Variants in MTPAP observed in about 807,000 individuals in gnomAD.
MTPAP encodes the protein mitochondrial poly(A) polymerase, also known as poly(A) RNA polymerase, mitochondrial.
MTPAP carries 23 observed loss-of-function variants against 48.7 expected under a neutral mutation model. The observed-to-expected ratio is 0.47, with a 90% CI of 0.34 to 0.67. The LOEUF (loss-of-function observed/expected upper bound fraction) is 0.67. Among genes scored for constraint, MTPAP ranks in the 30% least tolerant of loss-of-function variants. The pLI is 0.01. For synonymous variants in MTPAP, 257 were observed against 254.1 expected (o/e 1.01, Z -0.11); for missense variants, 614 against 694.3 (o/e 0.88, Z 1.30).
intron 3 of MTPAP, among the ~76,000 whole-genome samples, chr10:30,339,576 G>A (rs1473042463): frequency 1.3e-5 from 2 of 151,742 alleles, no homozygotes; most frequent in Non-Finnish European, 2.9e-5. Flanking sequence ...ATGCTGGAAA[G>A]AGAAAGAAAA....
At chr10:30,337,231 C>A (rs1834740538) in intron 3 of MTPAP, among the ~76,000 whole-genome samples, 1 of 152,052 alleles carries the variant, frequency 6.6e-6, no homozygotes, top group Non-Finnish European at 1.5e-5. Context: ...TCGCGACCAG[C>A]CTGACCAACA....
At chr10:30,341,039 C>T (rs530697680) in intron 2 of MTPAP, among the ~76,000 whole-genome samples, 11 of 152,248 alleles carry the variant, frequency 7.2e-5, no homozygotes. Flanking sequence ...TGGCCTTCAT[C>T]CGCAAGTTAA....
At chr10:30,323,346 G>A (rs546897811) in intron 5 of MTPAP, among the ~76,000 whole-genome samples, 281 of 150,796 alleles carry the variant, frequency 1.9e-3, no homozygotes, top group African/African-American at 6.5e-3. Flanking sequence ...TAGCTACTTG[G>A]GGGGCTGAGG....
At position 30,341,473 on chromosome 10, in the gene MTPAP, T is replaced by C; in HGVS notation, c.325A>G (p.Ser109Gly). 6.2e-7 allele frequency: 1 copy of C among 1,613,102 alleles called. No individual in the cohort carries two copies. The highest frequency in any genetic ancestry group is 8.5e-7 in the Non-Finnish European group (1 of 1,179,562). ...GPINNHFFYE[S>G]FGLYAVVEFC... is the part of the protein sequence containing the mutation. ...ATTGTTTTTCAAATACTTACAAAGCTTTCATAGAAGAAATGATTATTAATA... is the reference window on the plus strand; with the variant it reads ...ATTGTTTTTCAAATACTTACAAAGCCTTCATAGAAGAAATGATTATTAATA... The change falls in exon 2 of 9, where the codon AGC becomes GGC. Residue 109 changes from serine (S) to glycine (G), a missense_variant. By Grantham distance (56) the Ser-to-Gly change is moderately conservative. Around this residue, in one of 5 missense-constraint regions of MTPAP, gnomAD observed 114 missense variants for 107.9 expected, o/e 1.06. Coordinates refer to ENST00000263063, the MANE Select transcript of MTPAP (RefSeq NM_018109.4).
chr10:30,321,580 A>G (rs2132849349), intron 6 of MTPAP, among the ~76,000 whole-genome samples: 1 of 152,216 alleles, frequency 6.6e-6, no homozygotes, highest in East Asian at 1.9e-4. Context: ...TGGGACACAT[A>G]AAGAGGAGTA....
intron 1 of MTPAP, among the ~76,000 whole-genome samples, chr10:30,345,934 G>C (rs189952096): frequency 2.6e-5 from 4 of 151,776 alleles, no homozygotes; most frequent in African/African-American, 7.3e-5. Flanking sequence ...TGTAATCCCA[G>C]GTACTCAAGA....
chr10:30,345,702 T>G (rs1386811346), intron 1 of MTPAP, among the ~76,000 whole-genome samples: 1 of 152,198 alleles, frequency 6.6e-6, no homozygotes, highest in African/African-American at 2.4e-5. Flanking sequence ...CAGATTGAAA[T>G]GTGCAATGGT....
intron 3 of MTPAP, among the ~76,000 whole-genome samples, chr10:30,339,060 T>C (rs1462041732): frequency 1.3e-5 from 2 of 151,754 alleles, no homozygotes; most frequent in East Asian, 3.9e-4. Context: ...GAGGTGGAGC[T>C]TGAAGTGAGC....
Position 30,349,133 on chromosome 10 carries a change from C to T in MTPAP, c.143G>A (p.Gly48Glu), listed in dbSNP as rs374264325. Residue 48 changes from glycine to glutamate, a missense_variant, in exon 1 of 9, where the codon GGG (glycine) becomes GAG (glutamate). Coordinates refer to ENST00000263063, the MANE Select transcript of MTPAP (RefSeq NM_018109.4). The stretch of plus-strand genomic sequence containing the variant: ...GGCGCCATCACCTGTCTCCACGCTC[C>T]CTGAAGGCTGCTCGTCTCTCCTAAG... ...KDLRRDEQPS[G>E]SVETGFEDKI... 7.9e-5 allele frequency: 128 copies of T among 1,613,732 alleles called. No homozygotes were observed. Among genetic ancestry groups the T allele is most frequent in the Admixed American group, 3.8e-4 (23 of 59,970 alleles).
intron 3 of MTPAP, among the ~76,000 whole-genome samples, chr10:30,337,512 A>C (rs1184211586): frequency 6.6e-6 from 1 of 152,068 alleles, no homozygotes; most frequent in Non-Finnish European, 1.5e-5. Flanking sequence ...GCCAAGGCGG[A>C]TCATATGAGG....
chr10:30,323,451 C>CAAAAAAAA (rs755342499), intron 5 of MTPAP, among the ~76,000 whole-genome samples: 13 of 84,508 alleles, frequency 1.5e-4, no homozygotes, highest in African/African-American at 4.8e-4. Context: ...GACCCTGCCT[C>CAAAAAAAA]AAAAAAAAAA....
intron 4 of MTPAP, among the ~76,000 whole-genome samples, chr10:30,328,975 C>T (rs538601850): frequency 5.9e-5 from 9 of 152,066 alleles, no homozygotes; most frequent in African/African-American, 2.2e-4. Context: ...CATAGGCTGC[C>T]TGTGGTGGCT....
chr10:30,315,518 A>AC (rs1297055888), intron 8 of MTPAP, among the ~76,000 whole-genome samples: 2 of 151,506 alleles, frequency 1.3e-5, no homozygotes, highest in Non-Finnish European at 1.5e-5. Flanking sequence ...AAAAAAACAA[A>AC]ACAAAACAAA....
intron 4 of MTPAP, among the ~76,000 whole-genome samples, chr10:30,331,183 T>C (rs1834661674): frequency 6.6e-6 from 1 of 152,194 alleles, no homozygotes; most frequent in Non-Finnish European, 1.5e-5. Flanking sequence ...ATTAAATAAA[T>C]AAAAACTAGA....
Position 30,316,008 on chromosome 10 carries a change from A to G in MTPAP, c.1341T>C (p.Tyr447=). Residue 447 remains tyrosine (Y), a synonymous_variant, in exon 8 of 9, where the codon TAT becomes TAC. Coordinates refer to ENST00000263063, the MANE Select transcript of MTPAP (RefSeq NM_018109.4). The part of the protein sequence containing the change: ...LELLLKEFFE[Y]FGNFAFDKNS... Reference sequence around the variant, plus strand: ...TTTTATCGAAAGCAAAATTGCCAAAATACTCAAAAAATTCCTTCAGTAGTA... The same window carrying G: ...TTTTATCGAAAGCAAAATTGCCAAAGTACTCAAAAAATTCCTTCAGTAGTA... The G allele has an allele frequency of 2.5e-6, 4 of 1,610,130 alleles. No homozygotes were observed. The highest frequency in any genetic ancestry group is 1.1e-5 in the South Asian group (1 of 90,814).
At chr10:30,323,562 C>T (rs1036925340) in intron 5 of MTPAP, among the ~76,000 whole-genome samples, 3 of 152,040 alleles carry the variant, frequency 2.0e-5, no homozygotes, top group Admixed American at 6.5e-5. Context: ...CAGGCTAGAG[C>T]GCAATGGCGC....
intron 4 of MTPAP, among the ~76,000 whole-genome samples, chr10:30,328,373 C>G (rs1834623566): frequency 6.6e-6 from 1 of 152,176 alleles, no homozygotes; most frequent in African/African-American, 2.4e-5. Flanking sequence ...GGACATACTT[C>G]TTGTAGAACT....
At chr10:30,347,728 T>C (rs1340233574) in intron 1 of MTPAP, among the ~76,000 whole-genome samples, 5 of 152,082 alleles carry the variant, frequency 3.3e-5, no homozygotes, top group Non-Finnish European at 1.5e-5. Context: ...CCATCTCTAC[T>C]AATAACACAA....
At chr10:30,327,540 A>T (rs375498296) in intron 4 of MTPAP, among the ~76,000 whole-genome samples, 1 of 127,376 alleles carries the variant, frequency 7.9e-6, no homozygotes, top group Admixed American at 8.4e-5. Context: ...ATAAATAAAT[A>T]AATTACTAAA....
Sources: gnomAD v4.1 joint callset for allele counts (sites outside exome capture counted in the v4.1 genomes callset) on GRCh38, gnomAD v4.1.1 for gene constraint, gnomAD v4.1.1 regional missense constraint, MANE v1.5 for transcripts, NCBI Gene and HGNC (gene_info 2026-07-23, HGNC 2026-07-21) for gene names.